Variants in PILRA observed in about 807,000 individuals in gnomAD.
PILRA encodes the protein paired immunoglobulin-like type 2 receptor alpha.
In PILRA, 37 loss-of-function variants were observed where a neutral mutation model predicts 33.1. The ratio of observed to expected loss-of-function variants is 1.12; its 90% CI spans 0.86 to 1.47. The LOEUF is 1.47. Ranked by LOEUF, PILRA falls within the 40% of genes most tolerant of loss-of-function variation. The probability of loss-of-function intolerance (pLI) is 0.00; values close to 1 mark genes in which losing one functional copy is unlikely to be tolerated. For synonymous variants in PILRA, 146 were observed against 149.9 expected, an observed-to-expected ratio of 0.97 and a Z score of 0.19; for missense variants, 312 against 376.2, an observed-to-expected ratio of 0.83 and a Z score of 1.41.
chr7:100,390,172 A>T, intron 3 of PILRA, 66 bp downstream of exon 3: 2 of 1,391,228 alleles, frequency 1.4e-6, no homozygotes, highest in Non-Finnish European at 2.0e-6. Flanking sequence ...GCCCACCTGC[A>T]GCTATGGGGC....
At chr7:100,391,184 A>ATTATT in intron 3 of PILRA, among the ~76,000 whole-genome samples, 1 of 122,050 alleles carries the variant, frequency 8.2e-6, no homozygotes, top group Non-Finnish European at 1.8e-5. Context: ...TAATAATAAT[A>ATTATT]ATTATTATTA....
intron 3 of PILRA, among the ~76,000 whole-genome samples, chr7:100,393,361 C>T (rs1217277245): frequency 2.0e-5 from 3 of 151,568 alleles, no homozygotes; most frequent in Non-Finnish European, 4.4e-5. Flanking sequence ...CACTTTTCTC[C>T]TGAGAATGAA....
In PILRA at chr7:100,399,858, CCCT is replaced by C; in HGVS notation, c.865_867del (p.Leu289del). ...CCCAGAGCACCTCCCAGCCACCGTC[CCCT>C]CAAGAGCCCCCAGAACGAGACCCTG... On this transcript the variant is annotated inframe_deletion, in exon 7 of 7. Coordinates refer to ENST00000198536, the MANE Select transcript of PILRA (RefSeq NM_013439.3). 6.2e-7 allele frequency: 1 copy of C among 1,613,660 alleles called. No homozygotes were observed. Among genetic ancestry groups the C allele is most frequent in the Non-Finnish European group, 8.5e-7 (1 of 1,179,792 alleles).
intron 2 of PILRA, among the ~76,000 whole-genome samples, chr7:100,383,410 A>C (rs1791165698): frequency 6.6e-6 from 1 of 152,206 alleles, no homozygotes; most frequent in South Asian, 2.1e-4. Context: ...AGGAAGATCC[A>C]AGCTAGACAC....
intron 2 of PILRA, among the ~76,000 whole-genome samples, chr7:100,382,654 G>GCC (rs563719711): frequency 6.6e-6 from 1 of 152,166 alleles, no homozygotes; most frequent in Non-Finnish European, 1.5e-5. Flanking sequence ...AAAGCAGGCT[G>GCC]CCCCCCTGAG....
chr7:100,386,473 T>C (rs187042020), intron 2 of PILRA, among the ~76,000 whole-genome samples: 117 of 151,970 alleles, frequency 7.7e-4, no homozygotes, highest in Non-Finnish European at 1.2e-3. Flanking sequence ...CACTGCACTT[T>C]GTTGTTGTTG....
At chr7:100,396,979 G>GT (rs373025388) in intron 3 of PILRA, among the ~76,000 whole-genome samples, 29 of 150,248 alleles carry the variant, frequency 1.9e-4, no homozygotes, top group African/African-American at 6.1e-4. Context: ...TGTTTTGTTT[G>GT]TTTTTTTGTT....
At chr7:100,379,457 G>A (rs922564131) in intron 2 of PILRA, among the ~76,000 whole-genome samples, 2 of 152,032 alleles carry the variant, frequency 1.3e-5, no homozygotes, top group Non-Finnish European at 2.9e-5. Context: ...CTTGAGGTCA[G>A]GAGTTCGAGA....
intron 3 of PILRA, 37 bp from the exon 4 acceptor site, chr7:100,397,842 C>T (rs369560396): frequency 5.6e-6 from 9 of 1,608,522 alleles, no homozygotes; most frequent in Middle Eastern, 2.0e-4. Context: ...TGCCATCACC[C>T]GGATGCCACC....
intron 2 of PILRA, among the ~76,000 whole-genome samples, chr7:100,388,642 A>T (rs1282784193): frequency 1.3e-5 from 2 of 148,644 alleles, no homozygotes; most frequent in East Asian, 2.0e-4. Flanking sequence ...GCTACTCGGG[A>T]GGCTGAGGTA....
chr7:100,389,783 C>T, intron 2 of PILRA, 105 bp from the exon 3 acceptor site: 1 of 897,578 alleles, frequency 1.1e-6, no homozygotes. Context: ...AGAGGAGCTC[C>T]CTCACCACTA....
At chr7:100,388,749 C>CAA (rs913179599) in intron 2 of PILRA, among the ~76,000 whole-genome samples, 240 of 12,826 alleles carry the variant, frequency 0.019, 18 homozygotes, top group Non-Finnish European at 0.025. Flanking sequence ...GCCTCCGTCT[C>CAA]AAAAAAAAAA....
chr7:100,390,229 C>CCGACTT (rs1791360116), intron 3 of PILRA, 123 bp downstream of exon 3: 1 of 820,038 alleles, frequency 1.2e-6, no homozygotes, highest in East Asian at 2.6e-5. Context: ...CCCACCGAGG[C>CCGACTT]CGACTTCGTG....
intron 2 of PILRA, among the ~76,000 whole-genome samples, chr7:100,377,583 A>G (rs1311726041): frequency 6.6e-6 from 1 of 151,978 alleles, no homozygotes; most frequent in Non-Finnish European, 1.5e-5. Flanking sequence ...TATTTCCACT[A>G]TAGGTTGAAA....
rs540148350 is a variant in PILRA at position 100,373,615 on chromosome 7, C to T, written c.-42C>T. On this transcript the variant is annotated 5_prime_UTR_variant, in exon 1 of 7. In the 5' UTR this introduces an upstream ATG that the reference lacks. Coordinates refer to ENST00000198536, the MANE Select transcript of PILRA (RefSeq NM_013439.3). ...CCACAGGGCCCCTCTCCTGCCTGGA[C>T]GGCTCTGCTGGTCTCCCCGTCCCCT... The T allele has an allele frequency of 1.7e-5, 28 of 1,611,528 alleles. No individual in the cohort carries two copies. Among genetic ancestry groups the T allele is most frequent in the South Asian group, 4.4e-5 (4 of 91,030 alleles).
chr7:100,373,006 C>T (rs1024951349), upstream of PILRA, among the ~76,000 whole-genome samples: 2 of 151,830 alleles, frequency 1.3e-5, no homozygotes, highest in African/African-American at 4.8e-5. Context: ...GGTGCCTGCA[C>T]CGAGAGAGGG....
rs185130498 is a variant in PILRA at position 100,397,116 on chromosome 7, G to A, written c.674-763G>A. 8.1e-3 allele frequency among the ~76,000 whole-genome samples: 1,169 copies of A among 144,710 alleles called. 8 individuals carry two copies. The highest frequency in any genetic ancestry group is 0.014 in the Middle Eastern group (4 of 286). 94.9% of individuals were successfully genotyped at this position (144,710 alleles called of 152,430 possible). ...AGCAATTAATATTTCAGAGTTCTCAGTCTAAACATTAAAAAAAAAAAAAAA... is the reference window on the plus strand; with the variant it reads ...AGCAATTAATATTTCAGAGTTCTCAATCTAAACATTAAAAAAAAAAAAAAA... On this transcript the variant is annotated intron_variant, in intron 3 of 6. Transcript: ENST00000198536.
intron 2 of PILRA, among the ~76,000 whole-genome samples, chr7:100,382,659 CCTGAGCAGTAT>C (rs932245509): frequency 1.3e-5 from 2 of 152,190 alleles, no homozygotes; most frequent in Non-Finnish European, 2.9e-5. Context: ...AGGCTGCCCC[CCTGAGCAGTAT>C]CAACTGGCTC....
upstream of PILRA, among the ~76,000 whole-genome samples, chr7:100,371,431 T>G (rs370170535): frequency 9.2e-5 from 14 of 152,196 alleles, no homozygotes; most frequent in South Asian, 1.5e-3. Context: ...GCCTATGGGA[T>G]GTCGATTGGG....
Sources: gnomAD v4.1 joint callset for allele counts (sites outside exome capture counted in the v4.1 genomes callset) on GRCh38, gnomAD v4.1.1 for gene constraint, MANE v1.5 for transcripts, NCBI Gene and HGNC (gene_info 2026-07-23, HGNC 2026-07-21) for gene names.